Variants in MAP2 observed in about 807,000 individuals in gnomAD.
MAP2 encodes microtubule associated protein 2.
MAP2 carries 14 observed loss-of-function variants against 137.6 expected under a neutral mutation model. The ratio of observed to expected loss-of-function variants is 0.10; its 90% confidence interval spans 0.07 to 0.16. MAP2 has a LOEUF of 0.16. Among genes scored for constraint, MAP2 ranks in the 10% least tolerant of loss-of-function variants. The pLI is 1.00. For synonymous variants in MAP2, 786 were observed against 782.3 expected (o/e 1.00, Z -0.08); for missense variants, 2,088 against 2,191.5 (o/e 0.95, Z 0.94).
At chr2:209,728,078 G>C (rs1346502158) in intron 14 of MAP2, among the ~76,000 whole-genome samples, 1 of 152,144 alleles carries the variant, frequency 6.6e-6, no homozygotes, top group South Asian at 2.1e-4. Flanking sequence ...AGGTTGCAGT[G>C]AGCTATGATC....
chr2:209,618,140 A>G (rs2090093569), intron 3 of MAP2, among the ~76,000 whole-genome samples: 1 of 152,138 alleles, frequency 6.6e-6, no homozygotes, highest in South Asian at 2.1e-4. Flanking sequence ...GGAATCGAAG[A>G]GTTCATGGAG....
In MAP2 at chr2:209,710,053, G is replaced by T; in HGVS notation, c.4872G>T (p.Arg1624Ser). ...CTCCTGGAACCCCTAGCTATCCCAG[G>T]ACCCCTCACACACCAGGAACCCCCA... is the stretch of plus-strand genomic sequence containing the variant. ...PGTPGTPSYP[R>S]TPHTPGTPKS... The change falls in exon 13 of 16, where the codon AGG becomes AGT. Residue 1624 changes from arginine to serine, a missense_variant. Arg to Ser is a moderately radical substitution (Grantham distance 110, BLOSUM62 -1). This residue lies in a region of MAP2 where 591 missense variants were observed against 642.6 expected (regional missense o/e 0.92). Coordinates refer to ENST00000682079, the MANE Select transcript of MAP2 (RefSeq NM_001375505.1). The T allele has an allele frequency of 2.5e-6, 4 of 1,613,866 alleles. No individual in the cohort carries two copies. Among genetic ancestry groups the T allele is most frequent in the Non-Finnish European group, 3.4e-6 (4 of 1,179,984 alleles).
chr2:209,449,863 A>G (rs1375066848), intron 1 of MAP2, among the ~76,000 whole-genome samples: 1 of 152,106 alleles, frequency 6.6e-6, no homozygotes, highest in African/African-American at 2.4e-5. Context: ...TACTTGTATT[A>G]TCAGTATTAT....
chr2:209,726,468 A>G (rs191968453), intron 14 of MAP2, among the ~76,000 whole-genome samples: 31 of 152,152 alleles, frequency 2.0e-4, no homozygotes, highest in South Asian at 6.2e-4. Flanking sequence ...GTTAAATTCT[A>G]CCTCCATAGA....
intron 13 of MAP2, chr2:209,723,836 C>G (rs1173612085): frequency 5.2e-6 from 3 of 571,678 alleles, no homozygotes; most frequent in Non-Finnish European, 9.5e-6. Context: ...AGCTTGTAGC[C>G]TTGCATTTTC....
intron 2 of MAP2, among the ~76,000 whole-genome samples, chr2:209,517,737 C>T (rs572489021): frequency 1.1e-4 from 16 of 151,796 alleles, no homozygotes; most frequent in Admixed American, 3.9e-4. Context: ...CATGACCCCA[C>T]GTGGAAATAC....
At chr2:209,714,061 C>CGTG (rs2066539397) in intron 13 of MAP2, among the ~76,000 whole-genome samples, 1 of 151,764 alleles carries the variant, frequency 6.6e-6, no homozygotes, top group Non-Finnish European at 1.5e-5. Context: ...AATAGCCAGG[C>CGTG]GTGGTGGTGG....
At chr2:209,460,441 T>C (rs1702490699) in intron 1 of MAP2, among the ~76,000 whole-genome samples, 2 of 152,112 alleles carry the variant, frequency 1.3e-5, no homozygotes, top group Admixed American at 6.6e-5. Context: ...GCAATAAATT[T>C]AGTGACTCAG....
rs145534273 is a variant in MAP2 at position 209,534,112 on chromosome 2, A to G, written c.-172+26471A>G. On this transcript the variant is annotated intron_variant, in intron 2 of 15. Transcript: ENST00000682079. ...AACCTCCACCTTCAAGCATAGACCAACTTGATTATTCCTGAGCCCTGCAAG... is the reference window on the plus strand; with the variant it reads ...AACCTCCACCTTCAAGCATAGACCAGCTTGATTATTCCTGAGCCCTGCAAG... Among the ~76,000 whole-genome samples the G allele has an allele frequency of 8.3e-4, 127 of 152,352 alleles. 1 individual carries two copies. The highest frequency in any genetic ancestry group is 2.9e-3 in the African/African-American group (120 of 41,588).
chr2:209,730,138 T>C, intron 15 of MAP2, 44 bp from the exon 16 acceptor site: 1 of 1,514,772 alleles, frequency 6.6e-7, no homozygotes, highest in Non-Finnish European at 9.2e-7. Context: ...TAGGGGCCAG[T>C]TAAGATGCAT....
Position 209,725,781 on chromosome 2 carries a change from C to A in MAP2, c.5146C>A (p.His1716Asn). The A allele has an allele frequency of 6.3e-7, 1 of 1,592,214 alleles. No homozygotes were observed. Residue 1716 changes from histidine to asparagine, a missense_variant, in exon 14 of 16, where the codon CAC becomes AAC. This residue lies in a region of MAP2 where 112 missense variants were observed against 201.0 expected (regional missense o/e 0.56). Coordinates refer to ENST00000682079, the MANE Select transcript of MAP2 (RefSeq NM_001375505.1). ...SKCGSLKNIR[H>N]RPGGGRVKIE... ...ATGTGGCTCTCTGAAGAACATCCGC[C>A]ACAGGCCAGGTAAATAAATAATTTT... is the stretch of plus-strand genomic sequence containing the variant.
intron 11 of MAP2, among the ~76,000 whole-genome samples, chr2:209,703,381 T>C (rs556921442): frequency 3.3e-5 from 5 of 152,194 alleles, no homozygotes; most frequent in African/African-American, 1.2e-4. Flanking sequence ...ATGATTAAGA[T>C]ATGGATTATA....
At chr2:209,629,279 A>G (rs886636000) in intron 4 of MAP2, among the ~76,000 whole-genome samples, 8 of 152,214 alleles carry the variant, frequency 5.3e-5, no homozygotes, top group Admixed American at 1.3e-4. Context: ...ATATCTCTTC[A>G]TCACTCATAG....
rs1559281730 is a variant in MAP2 at position 209,528,797 on chromosome 2, C to CATATGTATGTATATATGTAT, written c.-172+21158_-172+21159insATGTATGTATATATGTATAT. Among the ~76,000 whole-genome samples the CATATGTATGTATATATGTAT allele has an allele frequency of 1.4e-4, 20 of 143,606 alleles. 1 individual carries two copies. Among genetic ancestry groups the CATATGTATGTATATATGTAT allele is most frequent in the South Asian group, 2.2e-4 (1 of 4,452 alleles). The allele number at this position is 143,606 out of a possible 152,430, so 94.2% of individuals were successfully genotyped here. On this transcript the variant is annotated intron_variant, in intron 2 of 15. Transcript: ENST00000682079. ...ATGTACATATGTATGTATATATGTA[C>CATATGTATGTATATATGTAT]ATGTACATATGTATGTATATATGTA...
At chr2:209,498,428 T>C (rs1040386540) in intron 1 of MAP2, among the ~76,000 whole-genome samples, 3 of 152,134 alleles carry the variant, frequency 2.0e-5, no homozygotes, top group Admixed American at 2.0e-4. Context: ...TGGTCTGAGG[T>C]CTGGAGGGTG....
intron 14 of MAP2, among the ~76,000 whole-genome samples, chr2:209,727,196 C>T (rs2074373389): frequency 6.6e-6 from 1 of 152,202 alleles, no homozygotes; most frequent in African/African-American, 2.4e-5. Flanking sequence ...ATGGAATTAG[C>T]TTCTCTACTA....
In MAP2 at chr2:209,696,221, C is replaced by A; in HGVS notation, c.4051C>A (p.Pro1351Thr). The change falls in exon 8 of 16, where the codon CCA (proline) becomes ACA (threonine). Residue 1351 changes from proline (P) to threonine (T), a missense_variant. By Grantham distance (38) the Pro-to-Thr change is conservative. Transcript: ENST00000682079. Reference protein sequence around the residue: ...AEPKDGSPEAPASPEREEVAL... With the variant: ...AEPKDGSPEATASPEREEVAL... ...ACCCAAAGATGGTTCCCCAGAGGCTCCAGCTTCCCCTGAGAGAGAAGAGGT... is the reference window on the plus strand; with the variant it reads ...ACCCAAAGATGGTTCCCCAGAGGCTACAGCTTCCCCTGAGAGAGAAGAGGT... 6.2e-7 allele frequency: 1 copy of A among 1,613,672 alleles called. No homozygotes were observed. Among genetic ancestry groups the A allele is most frequent in the South Asian group, 1.1e-5 (1 of 91,030 alleles).
At chr2:209,464,369 C>A (rs1703613478) in intron 1 of MAP2, among the ~76,000 whole-genome samples, 1 of 152,062 alleles carries the variant, frequency 6.6e-6, no homozygotes, top group Admixed American at 6.6e-5. Context: ...AAAATCTCTA[C>A]ATGTGATTAT....
chr2:209,468,096 C>CT (rs3057966), intron 1 of MAP2, among the ~76,000 whole-genome samples: 16 of 149,750 alleles, frequency 1.1e-4, no homozygotes, highest in South Asian at 2.1e-4. Context: ...GAGATTTTTG[C>CT]TTTTTTTTTT....
Sources: allele counts gnomAD v4.1 joint callset (sites outside exome capture counted in the v4.1 genomes callset), GRCh38; gene constraint gnomAD v4.1.1; regional missense constraint gnomAD v4.1.1; transcripts MANE v1.5; gene names NCBI Gene and HGNC (gene_info 2026-07-23, HGNC 2026-07-21).